The following ZGLP1 variants were observed in gnomAD, a reference collection of about 807,000 sequenced individuals.
ZGLP1 encodes GATA-type zinc finger protein 1.
A neutral mutation model predicts 21.4 loss-of-function variants in ZGLP1; 11 were observed. That is an observed-to-expected ratio of 0.51 (90% confidence interval 0.32 to 0.85). The LOEUF is 0.85. Among genes scored for constraint, ZGLP1 ranks in the 40% least tolerant of loss-of-function variants. ZGLP1 has a pLI of 0.03. For missense variants in ZGLP1, 295 were observed against 355.6 expected (o/e 0.83, Z 1.37); for synonymous variants, 148 against 145.0 (o/e 1.02, Z -0.15).
Position 10,305,139 on chromosome 19 carries a change from C to T in ZGLP1, c.768G>A (p.Arg256=), listed in dbSNP as rs780394308. The stretch of plus-strand genomic sequence containing the variant: ...GGGACACTCCACATCTGCCACATAG[C>T]CTCTTGGGCTGGACATTTTTCCTGG... Residue 256 remains arginine, a synonymous_variant, in exon 4 of 4, where the codon AGG becomes AGA. Transcript: ENST00000403903. The surrounding 1 kb of genome is among the most constrained non-coding windows in gnomAD (Gnocchi z 4.7). 2.5e-6 allele frequency: 4 copies of T among 1,614,008 alleles called. No homozygotes were observed. The Admixed American group carries it at 5.0e-5, about 20-fold the overall frequency.
In ZGLP1 at chr19:10,305,052, C is replaced by T. The variant is rs780135087; in HGVS notation, c.*39G>A. The T allele has an allele frequency of 1.3e-5, 19 of 1,503,696 alleles. No individual in the cohort carries two copies. The highest frequency in any genetic ancestry group is 1.7e-5 in the Admixed American group (1 of 59,210). 93.1% of individuals were successfully genotyped at this position (1,503,696 alleles called of 1,614,324 possible). ...TCTGCCCATTCTCCCACTGGTGAAA[C>T]GGAGGCAGAAGCAGCAGCTCAGCAG... On this transcript the variant is annotated 3_prime_UTR_variant, in exon 4 of 4. Coordinates refer to ENST00000403903, the Ensembl canonical transcript of ZGLP1. The surrounding 1 kb of genome is among the most constrained non-coding windows in gnomAD (Gnocchi z 4.7).
intron 1 of ZGLP1, among the ~76,000 whole-genome samples, chr19:10,307,236 CTA>C (rs1269203565): frequency 5.9e-5 from 9 of 151,762 alleles, no homozygotes; most frequent in African/African-American, 2.2e-4. Flanking sequence ...GGGGGTCATA[CTA>C]TGTTGCCCAG....
chr19:10,308,776 T>C (rs2040295139), exon 1 of ZGLP1: 1 of 1,243,442 alleles, frequency 8.0e-7, no homozygotes. Flanking sequence ...TCCACATCAA[T>C]CAACCCCTTA....
chr19:10,306,356 A>T, intron 1 of ZGLP1, among the ~76,000 whole-genome samples: 1 of 151,774 alleles, frequency 6.6e-6, no homozygotes, highest in Non-Finnish European at 1.5e-5. Context: ...CAAGTGATCC[A>T]CCCACCTCGG....
exon 1 of ZGLP1, chr19:10,309,398 G>C (rs540594191): frequency 6.5e-6 from 1 of 152,686 alleles, no homozygotes; most frequent in Non-Finnish European, 1.5e-5. Flanking sequence ...TCCTGGGAGG[G>C]GGATCCTCCC....
exon 1 of ZGLP1, chr19:10,308,573 C>T (rs1330009133): frequency 1.3e-6 from 2 of 1,591,618 alleles, no homozygotes; most frequent in Non-Finnish European, 1.7e-6. Context: ...GCAGTGGGGT[C>T]ACGTTTTCTT....
exon 1 of ZGLP1, chr19:10,308,544 G>A (rs1490975214): frequency 6.2e-7 from 1 of 1,606,124 alleles, no homozygotes; most frequent in Middle Eastern, 1.7e-4. Flanking sequence ...ATGCAGGCCA[G>A]AGGGACCTGG....
exon 1 of ZGLP1, chr19:10,308,335 G>T: frequency 6.2e-7 from 1 of 1,609,814 alleles, no homozygotes; most frequent in Non-Finnish European, 8.5e-7. Context: ...GGGAGTCCCC[G>T]GGGGCTGCAG....
At chr19:10,304,991 G>T in exon 4 of ZGLP1, 1 of 918,980 alleles carries the variant, frequency 1.1e-6, no homozygotes, top group Non-Finnish European at 1.7e-6. Flanking sequence ...GAGGAGGCAG[G>T]CCGGCTCTTT....
Position 10,305,856 on chromosome 19 carries a change from G to T in ZGLP1, c.594C>A (p.Ser198Arg). The T allele has an allele frequency of 6.4e-7, 1 of 1,554,710 alleles. No individual in the cohort carries two copies. Among genetic ancestry groups the T allele is most frequent in the Non-Finnish European group, 8.7e-7 (1 of 1,148,228 alleles). The change falls in exon 2 of 4, where the codon AGC becomes AGA. Residue 198 changes from serine (S) to arginine (R), a missense_variant. Transcript: ENST00000403903. This position sits in a 1 kb window ranked among gnomAD's most constrained non-coding sequence, Gnocchi z 4.7. Reference sequence around the variant, plus strand: ...GTTTTCAGGACTCACCCAGGGCCTCGCTGCCTGCTGAGTGGGCCTCGGTGC... The same window carrying T: ...GTTTTCAGGACTCACCCAGGGCCTCTCTGCCTGCTGAGTGGGCCTCGGTGC...
In ZGLP1 at chr19:10,305,768, G is replaced by T. The variant is rs73510898; in HGVS notation, c.604+78C>A. 15 of 1,179,164 alleles carry T rather than the reference G, an allele frequency of 1.3e-5. No individual in the cohort carries two copies. Among genetic ancestry groups the T allele is most frequent in the Middle Eastern group, 1.9e-4 (1 of 5,244 alleles). 73.0% of individuals were successfully genotyped at this position (1,179,164 alleles called of 1,614,324 possible). On this transcript the variant is annotated intron_variant, in intron 2 of 3. Transcript: ENST00000403903. This position sits in a 1 kb window ranked among gnomAD's most constrained non-coding sequence, Gnocchi z 4.7. ...AAATGGGGAAGCAAGATGGAGAAGG[G>T]GGGGGCAGGGAGAAAGGCAGGGAAG...
At chr19:10,306,677 T>G in intron 1 of ZGLP1, among the ~76,000 whole-genome samples, 1 of 150,716 alleles carries the variant, frequency 6.6e-6, no homozygotes. Context: ...TAGCCAGGAG[T>G]GGTGGTACAG....
At chr19:10,304,915 C>T in exon 4 of ZGLP1, 1 of 608,742 alleles carries the variant, frequency 1.6e-6, no homozygotes, top group Non-Finnish European at 2.9e-6. Context: ...GCTGGTGACC[C>T]CTAGCAGGCT....
chr19:10,304,939 C>A, exon 4 of ZGLP1: 1 of 656,360 alleles, frequency 1.5e-6, no homozygotes, highest in Non-Finnish European at 2.6e-6. Context: ...CCACCTGAGG[C>A]CTGGGTCTTC....
chr19:10,309,497 C>T (rs1486166431), exon 1 of ZGLP1: 1 of 152,714 alleles, frequency 6.5e-6, no homozygotes, highest in Non-Finnish European at 1.5e-5. Flanking sequence ...GCGCCCCAGC[C>T]CAGCCCCCTC....
intron 1 of ZGLP1, among the ~76,000 whole-genome samples, chr19:10,306,307 T>C (rs2040279288): frequency 6.6e-6 from 1 of 151,876 alleles, no homozygotes; most frequent in African/African-American, 2.4e-5. Context: ...CAGACGGGGT[T>C]TCACCATGTT....
At chr19:10,304,810 A>G in exon 4 of ZGLP1, 6 of 423,088 alleles carry the variant, frequency 1.4e-5, no homozygotes, top group Non-Finnish European at 2.5e-5. Flanking sequence ...TTCTCTCGGC[A>G]TATCTCTGTA....
rs948085201 is a variant in ZGLP1, at chr19:10,308,163, C to T, written c.497+22G>A. The T allele has an allele frequency of 2.0e-6, 3 of 1,514,584 alleles. No individual in the cohort carries two copies. The African/African-American group carries it at 4.2e-5, about 21-fold the overall frequency. The allele number at this position is 1,514,584 out of a possible 1,614,324, so 93.8% of individuals were successfully genotyped here. ...GCGTTGTAACTGGGAGAAAGGGCGGCCTGGCCCCAGCCGGCCCCTACCTGT... is the reference window on the plus strand; with the variant it reads ...GCGTTGTAACTGGGAGAAAGGGCGGTCTGGCCCCAGCCGGCCCCTACCTGT... On this transcript the variant is annotated intron_variant, in intron 1 of 3. Coordinates refer to ENST00000403903, the Ensembl canonical transcript of ZGLP1.
chr19:10,305,880 G>T lies in ZGLP1; in HGVS notation c.570C>A (p.Gly190=). The T allele has an allele frequency of 6.4e-7, 1 of 1,561,976 alleles. No individual in the cohort carries two copies. Among genetic ancestry groups the T allele is most frequent in the East Asian group, 2.4e-5 (1 of 42,382 alleles). ...CGCTGCCTGCTGAGTGGGCCTCGGTGCCTCCTGGGTGGGCTGCAGGGCCCC... is the reference window on the plus strand; with the variant it reads ...CGCTGCCTGCTGAGTGGGCCTCGGTTCCTCCTGGGTGGGCTGCAGGGCCCC... The change falls in exon 2 of 4, where the codon GGC becomes GGA. Residue 190 remains glycine, a synonymous_variant. Coordinates refer to ENST00000403903, the Ensembl canonical transcript of ZGLP1. The surrounding 1 kb of genome is among the most constrained non-coding windows in gnomAD (Gnocchi z 4.7).
Sources: allele counts gnomAD v4.1 joint callset (sites outside exome capture counted in the v4.1 genomes callset), GRCh38; gene constraint gnomAD v4.1.1; non-coding constraint Gnocchi (gnomAD v3.1); transcripts MANE v1.5; gene names NCBI Gene and HGNC (gene_info 2026-07-23, HGNC 2026-07-21).